LARGE1: variants seen among roughly 807,000 people sequenced by gnomAD.
LARGE1 encodes the protein LARGE xylosyl- and glucuronyltransferase 1.
LARGE1 carries 43 observed loss-of-function variants against 87.6 expected under a neutral mutation model. That is an observed-to-expected ratio of 0.49 (90% CI 0.38 to 0.63). The LOEUF (loss-of-function observed/expected upper bound fraction) is 0.63. LARGE1 is among the 30% of genes least tolerant of loss of function. The pLI is 0.00. For missense variants in LARGE1, 802 were observed against 1,000.2 expected, an observed-to-expected ratio of 0.80 and a Z score of 2.67; for synonymous variants, 434 against 394.6, an observed-to-expected ratio of 1.10 and a Z score of -1.18.
intron 5 of LARGE1, among the ~76,000 whole-genome samples, chr22:33,595,736 T>C (rs1336382599): frequency 1.3e-5 from 2 of 152,202 alleles, no homozygotes; most frequent in Non-Finnish European, 2.9e-5. Context: ...GAGGCCAGGA[T>C]TGGCCAGATT....
At chr22:33,678,914 C>T (rs917029692) in intron 2 of LARGE1, among the ~76,000 whole-genome samples, 1 of 152,194 alleles carries the variant, frequency 6.6e-6, no homozygotes, top group Non-Finnish European at 1.5e-5. Flanking sequence ...AGAAATAGTG[C>T]CAGTGCATTA....
chr22:33,511,152 A>G lies in LARGE1; in HGVS notation c.787+53696T>C, dbSNP rs553473390. Among the ~76,000 whole-genome samples, 3 of 152,216 alleles carry G rather than the reference A, an allele frequency of 2.0e-5. No homozygotes were observed. The South Asian group carries it at 6.2e-4, about 32-fold the overall frequency. ...CTCCCATTTGGACAGATGTTTCCAC[A>G]TGTGGCAGCTGTACTCAGGTATCTT... On this transcript the variant is annotated intron_variant, in intron 6 of 14. Coordinates refer to ENST00000397394, the MANE Select transcript of LARGE1 (RefSeq NM_133642.5).
At chr22:33,414,511 C>T (rs1006591316) in intron 7 of LARGE1, among the ~76,000 whole-genome samples, 2 of 152,060 alleles carry the variant, frequency 1.3e-5, no homozygotes, top group African/African-American at 4.8e-5. Context: ...GTGGGTAGGA[C>T]GTAGCTAACA....
chr22:33,354,662 T>C (rs1298711755), intron 9 of LARGE1, among the ~76,000 whole-genome samples: 1 of 152,258 alleles, frequency 6.6e-6, no homozygotes, highest in Non-Finnish European at 1.5e-5. Context: ...AATAGCTGAA[T>C]GCTACAAATA....
At chr22:33,895,427 C>CAGT (rs1216262392) in intron 1 of LARGE1, among the ~76,000 whole-genome samples, 2 of 152,204 alleles carry the variant, frequency 1.3e-5, no homozygotes, top group Non-Finnish European at 2.9e-5. Context: ...CATTATTTCA[C>CAGT]AGTTCCTATA....
chr22:33,631,819 G>A lies in LARGE1; in HGVS notation c.409-5493C>T, dbSNP rs903261053. On this transcript the variant is annotated intron_variant, in intron 3 of 14. Coordinates refer to ENST00000397394, the MANE Select transcript of LARGE1 (RefSeq NM_133642.5). ...GCTATAGTTTTATACAAATGGCAGC[G>A]CAGTCGGTTTGTTCACACCAACATC... is the stretch of plus-strand genomic sequence containing the variant. Among the ~76,000 whole-genome samples the A allele has an allele frequency of 9.2e-5, 14 of 152,152 alleles. 1 individual carries two copies. The highest frequency in any genetic ancestry group is 2.7e-4 in the African/African-American group (11 of 41,428).
chr22:33,384,072 G>T, intron 8 of LARGE1, 120 bp downstream of exon 8: 1 of 799,266 alleles, frequency 1.3e-6, no homozygotes, highest in East Asian at 2.4e-5. Flanking sequence ...AGCTGTATCA[G>T]AGCACACAGA....
In LARGE1 at chr22:33,506,484, A is replaced by G. The variant is rs567058496; in HGVS notation, c.787+58364T>C. On this transcript the variant is annotated intron_variant, in intron 6 of 14. Coordinates refer to ENST00000397394, the MANE Select transcript of LARGE1 (RefSeq NM_133642.5). ...ATTCCACCCGGGGAGGAGCTGAGAAAGGGGCATGGAGCCAGATGATGACTC... is the reference window on the plus strand; with the variant it reads ...ATTCCACCCGGGGAGGAGCTGAGAAGGGGGCATGGAGCCAGATGATGACTC... Among the ~76,000 whole-genome samples the G allele has an allele frequency of 2.5e-4, 38 of 152,296 alleles. No individual in the cohort carries two copies. The East Asian group carries it at 5.4e-3, about 22-fold the overall frequency.
At chr22:33,069,153 T>C in the LARGE1 span, among the ~76,000 whole-genome samples, 1 of 152,116 alleles carries the variant, frequency 6.6e-6, no homozygotes, top group Non-Finnish European at 1.5e-5. Flanking sequence ...GACTCCTGCT[T>C]GCAGTGTGAG....
chr22:33,414,753 G>A (rs1050472438), intron 7 of LARGE1, among the ~76,000 whole-genome samples: 5 of 152,156 alleles, frequency 3.3e-5, no homozygotes, highest in African/African-American at 1.2e-4. Context: ...GAGTCTTTGT[G>A]AGGTGACTAG....
intron 4 of LARGE1, among the ~76,000 whole-genome samples, chr22:33,605,040 C>G (rs1418562793): frequency 6.6e-6 from 1 of 151,388 alleles, no homozygotes; most frequent in Non-Finnish European, 1.5e-5. Flanking sequence ...AAAAGAAAAC[C>G]AGGCTTTAAG....
At chr22:33,077,636 G>A in the LARGE1 span, among the ~76,000 whole-genome samples, 1 of 152,030 alleles carries the variant, frequency 6.6e-6, no homozygotes, top group Non-Finnish European at 1.5e-5. Flanking sequence ...AAAGAGAAGG[G>A]GTATTTGTGC....
chr22:33,097,352 T>G, the LARGE1 span, among the ~76,000 whole-genome samples: 1 of 152,218 alleles, frequency 6.6e-6, no homozygotes, highest in Non-Finnish European at 1.5e-5. Context: ...AGACATCCTG[T>G]CTATATCTTG....
intron 11 of LARGE1, among the ~76,000 whole-genome samples, chr22:33,244,057 C>T (rs1366335516): frequency 1.3e-5 from 2 of 152,100 alleles, no homozygotes; most frequent in South Asian, 2.1e-4. Context: ...GGCGCGATCT[C>T]GGCTCACTGT....
the LARGE1 span, among the ~76,000 whole-genome samples, chr22:33,113,131 A>G: frequency 1.3e-5 from 2 of 152,170 alleles, no homozygotes; most frequent in East Asian, 3.9e-4. Flanking sequence ...CTATCAATAG[A>G]AACTATTTTA....
intron 7 of LARGE1, among the ~76,000 whole-genome samples, chr22:33,392,611 A>G (rs1021459263): frequency 2.0e-5 from 3 of 152,158 alleles, no homozygotes; most frequent in African/African-American, 7.2e-5. Context: ...GTGAGCCAAG[A>G]TGGCCCCACT....
chr22:33,662,989 A>C (rs2081172977), intron 2 of LARGE1, among the ~76,000 whole-genome samples: 1 of 152,212 alleles, frequency 6.6e-6, no homozygotes, highest in South Asian at 2.1e-4. Context: ...ACTTACATTA[A>C]AGTTATATTC....
intron 9 of LARGE1, among the ~76,000 whole-genome samples, chr22:33,349,337 T>C (rs575110432): frequency 6.6e-6 from 1 of 152,316 alleles, no homozygotes; most frequent in Admixed American, 6.5e-5. Context: ...GTTCTGTTTC[T>C]CTGGAGAATC....
chr22:33,310,443 G>GAGGGA (rs1935440484), intron 11 of LARGE1, among the ~76,000 whole-genome samples: 1 of 152,074 alleles, frequency 6.6e-6, no homozygotes, highest in African/African-American at 2.4e-5. Flanking sequence ...GCTGGGATGG[G>GAGGGA]AGGGAAGGGT....
Sources: allele counts gnomAD v4.1 joint callset (sites outside exome capture counted in the v4.1 genomes callset), GRCh38; gene constraint gnomAD v4.1.1; transcripts MANE v1.5; gene names NCBI Gene and HGNC (gene_info 2026-07-23, HGNC 2026-07-21).